The following PDE3A variants were observed in gnomAD, a reference collection of about 807,000 sequenced individuals.
PDE3A encodes the protein cGMP-inhibited 3',5'-cyclic phosphodiesterase 3A.
PDE3A carries 43 observed loss-of-function variants against 98.3 expected under a neutral mutation model. The ratio of observed to expected loss-of-function variants is 0.44; its 90% CI spans 0.34 to 0.56. The LOEUF (loss-of-function observed/expected upper bound fraction) is 0.56, where lower values mean the gene tolerates loss of function less well. Among genes scored for constraint, PDE3A ranks in the 20% least tolerant of loss-of-function variants. The pLI, the probability that PDE3A is intolerant of heterozygous loss-of-function variation, is 0.01. For missense variants in PDE3A, 1,427 were observed against 1,440.7 expected, an observed-to-expected ratio of 0.99 and a Z score of 0.15; for synonymous variants, 663 against 567.9, an observed-to-expected ratio of 1.17 and a Z score of -2.38.
At chr12:20,640,753 G>A (rs555998464) in intron 10 of PDE3A, among the ~76,000 whole-genome samples, 1 of 152,170 alleles carries the variant, frequency 6.6e-6, no homozygotes, top group South Asian at 2.1e-4. Context: ...GAAATATATG[G>A]TTTGGGAGAC....
intron 2 of PDE3A, among the ~76,000 whole-genome samples, chr12:20,562,470 G>A (rs553098466): frequency 6.6e-6 from 1 of 151,270 alleles, no homozygotes; most frequent in Non-Finnish European, 1.5e-5. Flanking sequence ...CGCCTGCCTC[G>A]GCCTCCCAAA....
At chr12:20,592,690 T>C (rs11608933) in intron 2 of PDE3A, among the ~76,000 whole-genome samples, 16,385 of 152,166 alleles carry the variant, frequency 0.11, 1,563 homozygotes, top group African/African-American at 0.26. Context: ...TACTCCTTTA[T>C]GTTCATTGCT....
chr12:20,487,221 T>C (rs1233432619), intron 1 of PDE3A, among the ~76,000 whole-genome samples: 1 of 152,126 alleles, frequency 6.6e-6, no homozygotes, highest in Non-Finnish European at 1.5e-5. Context: ...AATTATGACT[T>C]ATACAAATAT....
chr12:20,372,785 T>C (rs1336941438), intron 1 of PDE3A, among the ~76,000 whole-genome samples: 1 of 152,134 alleles, frequency 6.6e-6, no homozygotes, highest in Non-Finnish European at 1.5e-5. Flanking sequence ...AGGCAACAAG[T>C]GAATTTTAAA....
chr12:20,441,700 T>C (rs1204063140), intron 1 of PDE3A, among the ~76,000 whole-genome samples: 1 of 152,180 alleles, frequency 6.6e-6, no homozygotes, highest in Admixed American at 6.5e-5. Flanking sequence ...TTTCATTCTG[T>C]AAGCTGTGGT....
At chr12:20,503,501 A>T (rs577831862) in intron 1 of PDE3A, among the ~76,000 whole-genome samples, 1 of 152,188 alleles carries the variant, frequency 6.6e-6, no homozygotes, top group South Asian at 2.1e-4. Flanking sequence ...CAATAGAAAA[A>T]TTCCATCAGT....
intron 14 of PDE3A, among the ~76,000 whole-genome samples, chr12:20,651,784 ATACTTT>A (rs1462773337): frequency 2.6e-5 from 4 of 151,946 alleles, no homozygotes; most frequent in African/African-American, 9.7e-5. Flanking sequence ...TTATTTTATT[ATACTTT>A]AAGTTTTAGG....
At chr12:20,629,880 T>C (rs1944343177) in intron 5 of PDE3A, 28 bp from the exon 6 acceptor site, 1 of 1,539,230 alleles carries the variant, frequency 6.5e-7, no homozygotes. Context: ...GACATTTGTT[T>C]AGTTACTTAA....
At chr12:20,442,572 C>T (rs1295410850) in intron 1 of PDE3A, among the ~76,000 whole-genome samples, 2 of 152,208 alleles carry the variant, frequency 1.3e-5, no homozygotes, top group Admixed American at 1.3e-4. Context: ...AAGCACCATC[C>T]TACCACGTGG....
intron 1 of PDE3A, among the ~76,000 whole-genome samples, chr12:20,518,840 T>G (rs557475288): frequency 1.1e-4 from 16 of 152,296 alleles, no homozygotes; most frequent in Admixed American, 6.5e-4. Flanking sequence ...TACTGATGGA[T>G]TTTTTTATAG....
intron 1 of PDE3A, among the ~76,000 whole-genome samples, chr12:20,473,059 T>C (rs1358222903): frequency 6.6e-6 from 1 of 152,180 alleles, no homozygotes; most frequent in Non-Finnish European, 1.5e-5. Context: ...ACATTTAAAA[T>C]GGTAAGATAG....
At chr12:20,514,614 C>T (rs371691493) in intron 1 of PDE3A, among the ~76,000 whole-genome samples, 1 of 152,128 alleles carries the variant, frequency 6.6e-6, no homozygotes. Flanking sequence ...TCTTAATTCC[C>T]AGGTCTATAA....
intron 2 of PDE3A, among the ~76,000 whole-genome samples, chr12:20,569,864 G>T (rs566529385): frequency 6.6e-6 from 1 of 152,286 alleles, no homozygotes; most frequent in Admixed American, 6.5e-5. Context: ...AACAGCAAGT[G>T]CCACTTTGGG....
chr12:20,459,124 C>T (rs747886007), intron 1 of PDE3A, among the ~76,000 whole-genome samples: 1 of 152,072 alleles, frequency 6.6e-6, no homozygotes, highest in African/African-American at 2.4e-5. Flanking sequence ...AAAATTTGTA[C>T]AATGTACATC....
chr12:20,590,183 A>G (rs1943302616), intron 2 of PDE3A, among the ~76,000 whole-genome samples: 1 of 151,980 alleles, frequency 6.6e-6, no homozygotes, highest in Non-Finnish European at 1.5e-5. Flanking sequence ...ATATTTTCCA[A>G]ATGTAAATAG....
chr12:20,535,299 G>C (rs1448298304), intron 1 of PDE3A, among the ~76,000 whole-genome samples: 1 of 152,122 alleles, frequency 6.6e-6, no homozygotes, highest in Non-Finnish European at 1.5e-5. Flanking sequence ...CTTTAGCTCA[G>C]TTTTCACTGA....
At chr12:20,591,999 G>T (rs559753977) in intron 2 of PDE3A, among the ~76,000 whole-genome samples, 1 of 152,214 alleles carries the variant, frequency 6.6e-6, no homozygotes, top group East Asian at 1.9e-4. Flanking sequence ...AAAATACATG[G>T]TCTAACTTTA....
intron 15 of PDE3A, among the ~76,000 whole-genome samples, chr12:20,668,849 G>A (rs952648382): frequency 1.3e-5 from 2 of 151,690 alleles, no homozygotes; most frequent in Non-Finnish European, 2.9e-5. Flanking sequence ...GCTAGATGGA[G>A]AATGACTTTG....
At chr12:20,610,003 AAC>A (rs1943808967) in intron 2 of PDE3A, among the ~76,000 whole-genome samples, 1 of 151,966 alleles carries the variant, frequency 6.6e-6, no homozygotes, top group South Asian at 2.1e-4. Context: ...ATTCTTGGAT[AAC>A]ACACCAAAAT....
Sources: gnomAD v4.1 joint callset for allele counts (sites outside exome capture counted in the v4.1 genomes callset) on GRCh38, gnomAD v4.1.1 for gene constraint, MANE v1.5 for transcripts, NCBI Gene and HGNC (gene_info 2026-07-23, HGNC 2026-07-21) for gene names.